Variants in PIDD1 observed in about 807,000 individuals in gnomAD.
PIDD1 encodes p53-induced death domain-containing protein 1.
Under a neutral mutation model 80.0 loss-of-function variants are expected in PIDD1, and 72 were observed. That is an observed-to-expected ratio of 0.90 (90% CI 0.74 to 1.09). The LOEUF is 1.09. Among genes scored for constraint, PIDD1 ranks in the 50% least tolerant of loss-of-function variants. The pLI, the probability that PIDD1 is intolerant of heterozygous loss-of-function variation, is 0.00. For synonymous variants in PIDD1, 655 were observed against 543.5 expected, an observed-to-expected ratio of 1.21 and a Z score of -2.85; for missense variants, 1,329 against 1,228.3, an observed-to-expected ratio of 1.08 and a Z score of -1.23.
intron 12 of PIDD1, 43 bp downstream of exon 12, chr11:800,500 A>G: frequency 3.1e-6 from 5 of 1,609,992 alleles, no homozygotes; most frequent in Non-Finnish European, 4.2e-6. Flanking sequence ...GAGGACGGTA[A>G]GGCTCCCCCT....
rs549237870 is a variant in PIDD1 at position 803,346 on chromosome 11, T to C, written c.537A>G (p.Thr179=). The C allele has an allele frequency of 1.1e-5, 18 of 1,613,792 alleles. No individual in the cohort carries two copies. The highest frequency in any genetic ancestry group is 2.2e-5 in the South Asian group (2 of 91,076). ...ALPALTFLTV[T]HNRLQTLPPA... is the part of the protein sequence containing the mutation. Reference sequence around the variant, plus strand: ...GGGGCAGCGTCTGCAGGCGGTTGTGTGTCACTGTGAGGAAGGTGAGGGCGG... The same window carrying C: ...GGGGCAGCGTCTGCAGGCGGTTGTGCGTCACTGTGAGGAAGGTGAGGGCGG... The change falls in exon 3 of 16, where the codon ACA becomes ACG. Residue 179 remains threonine, a synonymous_variant. Coordinates refer to ENST00000347755, the MANE Select transcript of PIDD1 (RefSeq NM_145886.4).
chr11:807,115 G>A (rs562538805), upstream of PIDD1, among the ~76,000 whole-genome samples: 2 of 146,884 alleles, frequency 1.4e-5, no homozygotes, highest in African/African-American at 2.5e-5. Flanking sequence ...TGGCTTGAAC[G>A]CGGGAGGCGG....
At chr11:802,174 C>T (rs943774695) in intron 6 of PIDD1, 21 bp downstream of exon 6, 1 of 1,579,798 alleles carries the variant, frequency 6.3e-7, no homozygotes, top group Non-Finnish European at 8.6e-7. Context: ...ACACACTGCC[C>T]CCGCCACGCC....
chr11:806,728 G>A (rs977010080), upstream of PIDD1, among the ~76,000 whole-genome samples: 6 of 151,936 alleles, frequency 3.9e-5, no homozygotes, highest in African/African-American at 1.2e-4. Flanking sequence ...GACTACAGGC[G>A]CCCACCACCA....
chr11:807,132 C>T (rs899970614), upstream of PIDD1, among the ~76,000 whole-genome samples: 19 of 143,138 alleles, frequency 1.3e-4, no homozygotes, highest in Non-Finnish European at 2.4e-4. Context: ...GCGGAGGTTG[C>T]GGTGAGCTGA....
In PIDD1 at chr11:800,958, G is replaced by A. The variant is rs747330206; in HGVS notation, c.1766+27C>T. The stretch of plus-strand genomic sequence containing the variant: ...GAGGGCTGTACAGACTGGGGGAGGG[G>A]GGCTGAGAAAGCTGGGGGGCACTGA... On this transcript the variant is annotated intron_variant, in intron 10 of 15. Coordinates refer to ENST00000347755, the MANE Select transcript of PIDD1 (RefSeq NM_145886.4). The A allele has an allele frequency of 3.8e-5, 61 of 1,586,208 alleles. 1 individual carries two copies. The South Asian group carries it at 4.3e-4, about 11-fold the overall frequency.
rs539744417 is a variant in PIDD1, at chr11:802,736, G to A, written c.865C>T (p.Arg289Cys). 18 of 1,611,160 alleles carry A rather than the reference G, an allele frequency of 1.1e-5. No individual in the cohort carries two copies. The highest frequency in any genetic ancestry group is 5.0e-5 in the Admixed American group (3 of 59,776). ...PPELLDAPFV[R>C]LQGNPLGEAS... The stretch of plus-strand genomic sequence containing the variant: ...TCACCCAGGGGGTTCCCCTGCAGGC[G>A]CACAAAGGGGGCGTCTAGCAGCTCA... Residue 289 changes from arginine to cysteine, a missense_variant, in exon 4 of 16, where the codon CGC becomes TGC. Arg to Cys is a radical substitution (Grantham distance 180). Transcript: ENST00000347755.
upstream of PIDD1, chr11:809,470 G>A (rs1248875125): frequency 1.3e-5 from 2 of 152,264 alleles, no homozygotes; most frequent in African/African-American, 4.8e-5. Context: ...AACCACCAAG[G>A]AGTCAAGGCG....
intron 8 of PIDD1, 23 bp downstream of exon 8, chr11:801,422 C>T (rs1865306087): frequency 6.4e-7 from 1 of 1,566,190 alleles, no homozygotes; most frequent in Non-Finnish European, 8.7e-7. Flanking sequence ...GGCCTGCCAC[C>T]CTCAGTGCTG....
chr11:807,669 T>C (rs71469833), upstream of PIDD1, among the ~76,000 whole-genome samples: 1,793 of 149,968 alleles, frequency 0.012, 15 homozygotes, highest in Admixed American at 0.02. Flanking sequence ...CCCAGCTACT[T>C]GGGAGGCTGA....
At position 801,633 on chromosome 11, in the gene PIDD1, G is replaced by GT; in HGVS notation, c.1303-10_1303-9insA. On this transcript the variant is annotated splice_polypyrimidine_tract_variant and intron_variant, in intron 7 of 15. Coordinates refer to ENST00000347755, the MANE Select transcript of PIDD1 (RefSeq NM_145886.4). ...CAGTGAGCCCAGAGCCGCTGGGATG[G>GT]GGGAGAGAGGAGGTCACAGGAGCCT... is the stretch of plus-strand genomic sequence containing the variant. 1 of 1,553,118 alleles carries GT rather than the reference G, an allele frequency of 6.4e-7. No homozygotes were observed. Among genetic ancestry groups the GT allele is most frequent in the Non-Finnish European group, 8.7e-7 (1 of 1,147,930 alleles).
chr11:803,619 G>A, intron 2 of PIDD1, 32 bp from the exon 3 acceptor site: 2 of 1,578,902 alleles, frequency 1.3e-6, no homozygotes, highest in Non-Finnish European at 1.7e-6. Context: ...GTGGCCCTCA[G>A]AGCCAGGGTC....
At position 800,759 on chromosome 11, in the gene PIDD1, C is replaced by A; in HGVS notation, c.1917+3G>T. ...CCTGCTGCCCTCCGGCCCGTGCCCC[C>A]ACCTTGTTTCGGGGCAGGCACTGCA... is the stretch of plus-strand genomic sequence containing the variant. On this transcript the variant is annotated splice_donor_region_variant and intron_variant, in intron 11 of 15. Transcript: ENST00000347755. The A allele has an allele frequency of 6.5e-7, 1 of 1,547,044 alleles. No individual in the cohort carries two copies. Among genetic ancestry groups the A allele is most frequent in the East Asian group, 2.4e-5 (1 of 41,136 alleles).
Position 803,382 on chromosome 11 carries a change from C to T in PIDD1, c.501G>A (p.Leu167=). 1 of 1,613,998 alleles carries T rather than the reference C, an allele frequency of 6.2e-7. No individual in the cohort carries two copies. Among genetic ancestry groups the T allele is most frequent in the Non-Finnish European group, 8.5e-7 (1 of 1,180,000 alleles). Residue 167 remains leucine (L), a synonymous_variant, in exon 3 of 16, where the codon CTG becomes CTA. Transcript: ENST00000347755. ...HNCLSELPEA[L]GALPALTFLT... ...GGAAGGTGAGGGCGGGGAGGGCCCC[C>T]AGAGCCTCAGGCAGCTCAGAGAGGC...
intron 2 of PIDD1, 29 bp from the exon 3 acceptor site, chr11:803,616 T>C (rs1406499422): frequency 1.9e-6 from 3 of 1,582,098 alleles, no homozygotes; most frequent in Non-Finnish European, 2.6e-6. Flanking sequence ...GATGTGGCCC[T>C]CAGAGCCAGG....
At position 800,342 on chromosome 11, in the gene PIDD1, C is replaced by A; in HGVS notation, c.2151G>T (p.Val717=). The change falls in exon 13 of 16, where the codon GTG becomes GTT. Residue 717 remains valine, a synonymous_variant. Transcript: ENST00000347755. ...TTTLDREAQA[V]RGQVSFYRGA... is the part of the protein sequence containing the mutation. ...CACTCCCCTCGCCCACCTGGCCCCG[C>A]ACAGCCTGAGCCTCCCGGTCCAGAG... 2 of 1,612,832 alleles carry A rather than the reference C, an allele frequency of 1.2e-6. No homozygotes were observed. The highest frequency in any genetic ancestry group is 1.7e-6 in the Non-Finnish European group (2 of 1,179,972).
rs1470321578 is a variant in PIDD1 at position 800,969 on chromosome 11, G to C, written c.1766+16C>G. Reference sequence around the variant, plus strand: ...AGACTGGGGGAGGGGGGCTGAGAAAGCTGGGGGGCACTGACCAGGAGAAGT... The same window carrying C: ...AGACTGGGGGAGGGGGGCTGAGAAACCTGGGGGGCACTGACCAGGAGAAGT... On this transcript the variant is annotated intron_variant, in intron 10 of 15. Transcript: ENST00000347755. 6.5e-7 allele frequency: 1 copy of C among 1,542,354 alleles called. No homozygotes were observed. The highest frequency in any genetic ancestry group is 8.9e-7 in the Non-Finnish European group (1 of 1,120,650).
upstream of PIDD1, chr11:805,803 TAA>T (rs1590157591): frequency 5.8e-6 from 3 of 516,210 alleles, no homozygotes; most frequent in Admixed American, 6.4e-5. Context: ...AAGGAGGCGT[TAA>T]GAGATAAAAT....
At position 799,410 on chromosome 11, in the gene PIDD1, C is replaced by T. The variant is rs768543257; in HGVS notation, c.2630G>A (p.Arg877His). The change falls in exon 16 of 16, where the codon CGC (arginine) becomes CAC (histidine). Residue 877 changes from arginine (R) to histidine (H), a missense_variant. Arg to His is a conservative substitution (Grantham distance 29). Transcript: ENST00000347755. ...TCGGATGCTGTCCTGGTACTTGCGG[C>T]GGCCGAGCTCCAAGACTGCGCGCAC... Reference protein sequence around the residue: ...EEVRAVLELGRRKYQDSIRRM... With the variant: ...EEVRAVLELGHRKYQDSIRRM... 3.0e-5 allele frequency: 48 copies of T among 1,611,568 alleles called. No individual in the cohort carries two copies. The highest frequency in any genetic ancestry group is 1.2e-4 in the African/African-American group (9 of 74,922).
Sources: allele counts gnomAD v4.1 joint callset (sites outside exome capture counted in the v4.1 genomes callset), GRCh38; gene constraint gnomAD v4.1.1; transcripts MANE v1.5; gene names NCBI Gene and HGNC (gene_info 2026-07-23, HGNC 2026-07-21).